SHROOM3: variants seen among roughly 807,000 people sequenced by gnomAD.
SHROOM3 encodes the protein protein Shroom3.
A neutral mutation model predicts 138.6 loss-of-function variants in SHROOM3; 47 were observed. The observed-to-expected ratio is 0.34, with a 90% CI of 0.27 to 0.43. The LOEUF (loss-of-function observed/expected upper bound fraction) is 0.43. SHROOM3 is among the 20% of genes least tolerant of loss of function. The pLI is 1.00. For synonymous variants in SHROOM3, 1,062 were observed against 1,063.3 expected, an observed-to-expected ratio of 1.00 and a Z score of 0.02; for missense variants, 2,491 against 2,596.5, an observed-to-expected ratio of 0.96 and a Z score of 0.88.
At chr4:76,507,854 A>C (rs981260623) in intron 1 of SHROOM3, among the ~76,000 whole-genome samples, 12 of 151,994 alleles carry the variant, frequency 7.9e-5, no homozygotes, top group African/African-American at 2.9e-4. Context: ...GGTCGTTTGT[A>C]TATCTTCTTA....
At chr4:76,458,684 A>C (rs1345540758) in intron 1 of SHROOM3, among the ~76,000 whole-genome samples, 1 of 152,228 alleles carries the variant, frequency 6.6e-6, no homozygotes, top group Non-Finnish European at 1.5e-5. Context: ...TTGAGATATA[A>C]ATCAAATGCC....
chr4:76,480,294 T>C (rs1011066488), intron 1 of SHROOM3, among the ~76,000 whole-genome samples: 8 of 152,026 alleles, frequency 5.3e-5, no homozygotes, highest in African/African-American at 1.9e-4. Context: ...TGGAGGAAGA[T>C]TTACCAAGCA....
At chr4:76,723,674 G>A (rs1307921184) in intron 3 of SHROOM3, among the ~76,000 whole-genome samples, 3 of 152,222 alleles carry the variant, frequency 2.0e-5, no homozygotes, top group Non-Finnish European at 4.4e-5. Flanking sequence ...TCTGGAGAGA[G>A]ATGCCTGGGT....
chr4:76,674,957 T>G (rs1310398123), intron 2 of SHROOM3, among the ~76,000 whole-genome samples: 1 of 152,198 alleles, frequency 6.6e-6, no homozygotes, highest in Non-Finnish European at 1.5e-5. Flanking sequence ...GTCTTAGGGT[T>G]CATACCGGCT....
At chr4:76,745,795 A>G (rs933768868) in intron 5 of SHROOM3, among the ~76,000 whole-genome samples, 5 of 152,216 alleles carry the variant, frequency 3.3e-5, no homozygotes, top group African/African-American at 1.2e-4. Context: ...AGCCTGGCCA[A>G]CATGGCAAAA....
intron 1 of SHROOM3, among the ~76,000 whole-genome samples, chr4:76,512,502 T>C (rs1409331641): frequency 6.6e-6 from 1 of 152,208 alleles, no homozygotes; most frequent in Non-Finnish European, 1.5e-5. Flanking sequence ...AATGTGGGCT[T>C]CTTCACTTCC....
chr4:76,470,231 CAT>C, intron 1 of SHROOM3, among the ~76,000 whole-genome samples: 1 of 152,192 alleles, frequency 6.6e-6, no homozygotes, highest in East Asian at 1.9e-4. Context: ...CTGTCTACCT[CAT>C]AGGGTTTCTG....
intron 2 of SHROOM3, among the ~76,000 whole-genome samples, chr4:76,626,601 G>C (rs894622182): frequency 1.3e-5 from 2 of 152,156 alleles, no homozygotes; most frequent in African/African-American, 4.8e-5. Context: ...TGAAGTAGCT[G>C]CCATTTATTC....
chr4:76,544,863 C>A (rs962318549), intron 1 of SHROOM3, among the ~76,000 whole-genome samples: 1 of 152,160 alleles, frequency 6.6e-6, no homozygotes, highest in Non-Finnish European at 1.5e-5. Flanking sequence ...TCTGTTAGAG[C>A]GGGGCCTTCT....
intron 2 of SHROOM3, among the ~76,000 whole-genome samples, chr4:76,642,154 T>C (rs1735688317): frequency 1.3e-5 from 2 of 152,194 alleles, no homozygotes; most frequent in Non-Finnish European, 2.9e-5. Flanking sequence ...GCCAATGTAC[T>C]TTGTTACAAA....
At chr4:76,685,737 G>A (rs1192127274) in intron 2 of SHROOM3, among the ~76,000 whole-genome samples, 1 of 152,170 alleles carries the variant, frequency 6.6e-6, no homozygotes, top group African/African-American at 2.4e-5. Context: ...CCAGCATTTT[G>A]GGAGGCTGAC....
rs1721221604 is a variant in SHROOM3 at position 76,740,726 on chromosome 4, G to A, written c.2553G>A (p.Gly851=). ...LGNGEQHFKN[G]ELKLEEASRQ... is the part of the protein sequence containing the mutation. ...ACGGGGAGCAGCACTTCAAAAACGG[G>A]GAGCTGAAGTTGGAAGAGGCTTCCC... Residue 851 remains glycine, a synonymous_variant, in exon 5 of 11, where the codon GGG becomes GGA. Coordinates refer to ENST00000296043, the MANE Select transcript of SHROOM3 (RefSeq NM_020859.4). This position sits in a 1 kb window ranked among gnomAD's most constrained non-coding sequence, Gnocchi z 4.0. 1.2e-6 allele frequency: 2 copies of A among 1,613,504 alleles called. No homozygotes were observed. The highest frequency in any genetic ancestry group is 1.7e-5 in the Admixed American group (1 of 60,028).
intron 9 of SHROOM3, among the ~76,000 whole-genome samples, chr4:76,760,462 G>C (rs1721953963): frequency 6.6e-6 from 1 of 152,204 alleles, no homozygotes; most frequent in African/African-American, 2.4e-5. Flanking sequence ...TGCTGCAAAG[G>C]AAAGCTTGCT....
chr4:76,694,245 A>G (rs1719656076), intron 2 of SHROOM3, among the ~76,000 whole-genome samples: 1 of 152,242 alleles, frequency 6.6e-6, no homozygotes, highest in Non-Finnish European at 1.5e-5. Context: ...ATGATGAATA[A>G]TAAGACATTG....
At chr4:76,670,583 A>T (rs60705073) in intron 2 of SHROOM3, among the ~76,000 whole-genome samples, 17,405 of 152,236 alleles carry the variant, frequency 0.11, 1,043 homozygotes, top group East Asian at 0.16. Flanking sequence ...TATTTGAAAA[A>T]TAACTTAGAT....
Position 76,721,271 on chromosome 4 carries a change from A to G in SHROOM3, c.456-9533A>G, listed in dbSNP as rs941375638. On this transcript the variant is annotated intron_variant, in intron 3 of 10. Transcript: ENST00000296043. ...GCTTGCAGTGAGCCGAGATCCCGCC[A>G]CTGCACTCCAGCCTGGGTGACAGAG... Among the ~76,000 whole-genome samples the G allele has an allele frequency of 5.3e-5, 8 of 151,644 alleles. No homozygotes were observed. In the South Asian group the frequency reaches 8.4e-4, roughly 16 times the overall value.
At position 76,579,479 on chromosome 4, in the gene SHROOM3, TAAAC is replaced by T. The variant is rs759983752; in HGVS notation, c.323+23733_323+23736del. Among the ~76,000 whole-genome samples, 268 of 152,276 alleles carry T rather than the reference TAAAC, an allele frequency of 1.8e-3. 1 individual carries two copies. Among genetic ancestry groups the T allele is most frequent in the Middle Eastern group, 6.8e-3 (2 of 294 alleles). On this transcript the variant is annotated intron_variant, in intron 2 of 10. Coordinates refer to ENST00000296043, the MANE Select transcript of SHROOM3 (RefSeq NM_020859.4). ...TGAGACTCTGTCTCAAAAATAATAA[TAAAC>T]AAACAAACAAACAAACTTACACAAG...
rs267600265 is a variant in SHROOM3 at position 76,779,070 on chromosome 4, C to G, written c.5884C>G (p.Pro1962Ala). 11 of 1,614,214 alleles carry G rather than the reference C, an allele frequency of 6.8e-6. No individual in the cohort carries two copies. Among genetic ancestry groups the G allele is most frequent in the Non-Finnish European group, 9.3e-6 (11 of 1,180,034 alleles). Reference sequence around the variant, plus strand: ...GGAGAGCCTGCCCTCAGATTTCATTCCCAAGGCTGGGGCCCTGGCTCTGCC... The same window carrying G: ...GGAGAGCCTGCCCTCAGATTTCATTGCCAAGGCTGGGGCCCTGGCTCTGCC... Reference protein sequence around the residue: ...LLESLPSDFIPKAGALALPPN... With the variant: ...LLESLPSDFIAKAGALALPPN... Residue 1962 changes from proline to alanine, a missense_variant, in exon 11 of 11, where the codon CCC becomes GCC. Physicochemically the swap from Pro to Ala is conservative, Grantham distance 27. Transcript: ENST00000296043.
At chr4:76,587,085 A>G (rs1734171283) in intron 2 of SHROOM3, 1 of 152,196 alleles carries the variant, frequency 6.6e-6, no homozygotes, top group African/African-American at 2.4e-5. Context: ...CATTTAAGCA[A>G]CAGTTGAGAT....
Sources: allele counts gnomAD v4.1 joint callset (sites outside exome capture counted in the v4.1 genomes callset), GRCh38; gene constraint gnomAD v4.1.1; non-coding constraint Gnocchi (gnomAD v3.1); transcripts MANE v1.5; gene names NCBI Gene and HGNC (gene_info 2026-07-23, HGNC 2026-07-21).